The following ETV6 variants were observed in gnomAD, a reference collection of about 807,000 sequenced individuals.
ETV6 encodes transcription factor ETV6.
Under a neutral mutation model 51.1 loss-of-function variants are expected in ETV6, and 16 were observed. That is an observed-to-expected ratio of 0.31 (90% CI 0.21 to 0.48). The LOEUF (loss-of-function observed/expected upper bound fraction) is 0.48. Ranked by LOEUF, ETV6 falls within the 20% of genes least tolerant of loss-of-function variation. The pLI, the probability that ETV6 is intolerant of heterozygous loss-of-function variation, is 0.99. For synonymous variants in ETV6, 240 were observed against 224.1 expected (o/e 1.07, Z -0.64); for missense variants, 458 against 594.8 (o/e 0.77, Z 2.39).
chr12:11,771,712 A>G (rs1945243420), intron 2 of ETV6, among the ~76,000 whole-genome samples: 1 of 152,248 alleles, frequency 6.6e-6, no homozygotes, highest in Non-Finnish European at 1.5e-5. Flanking sequence ...TTCAGTTCAT[A>G]TAACCAACAC....
chr12:11,726,049 G>A (rs1865482745), intron 1 of ETV6, among the ~76,000 whole-genome samples: 1 of 152,226 alleles, frequency 6.6e-6, no homozygotes, highest in Non-Finnish European at 1.5e-5. Context: ...GGGTAGGCAA[G>A]AATTGTATAT....
intron 2 of ETV6, among the ~76,000 whole-genome samples, chr12:11,778,337 T>G (rs1945363485): frequency 1.3e-5 from 2 of 152,192 alleles, no homozygotes; most frequent in African/African-American, 4.8e-5. Context: ...CTCCTGTGTT[T>G]AATATAGCCC....
chr12:11,794,487 G>A (rs1296003468), intron 2 of ETV6, among the ~76,000 whole-genome samples: 2 of 152,208 alleles, frequency 1.3e-5, no homozygotes, highest in African/African-American at 4.8e-5. Flanking sequence ...AGACTCAGCT[G>A]TCTGAAGCCT....
intron 2 of ETV6, among the ~76,000 whole-genome samples, chr12:11,817,436 G>A (rs1033384782): frequency 1.3e-5 from 2 of 152,138 alleles, no homozygotes; most frequent in African/African-American, 4.8e-5. Context: ...TCTCTAAGAT[G>A]CCAAACAGGG....
intron 7 of ETV6, among the ~76,000 whole-genome samples, chr12:11,887,749 GA>G (rs58685356): frequency 0.26 from 25,320 of 97,358 alleles, 2,664 homozygotes; most frequent in African/African-American, 0.37. Flanking sequence ...TCCATCTCAA[GA>G]AAAAAAAAAA....
intron 1 of ETV6, among the ~76,000 whole-genome samples, chr12:11,694,229 A>G (rs1864828482): frequency 6.6e-6 from 1 of 152,102 alleles, no homozygotes; most frequent in Non-Finnish European, 1.5e-5. Context: ...CTTGGTTTGA[A>G]CTCTACCCCT....
chr12:11,778,682 A>C (rs774250770), intron 2 of ETV6, among the ~76,000 whole-genome samples: 1 of 152,112 alleles, frequency 6.6e-6, no homozygotes, highest in Non-Finnish European at 1.5e-5. Context: ...TAGAGCTCTT[A>C]GTTTTTCTTT....
chr12:11,794,960 T>C (rs1945655267), intron 2 of ETV6, among the ~76,000 whole-genome samples: 1 of 152,222 alleles, frequency 6.6e-6, no homozygotes. Flanking sequence ...TTTGTGACCG[T>C]TGAACTGACC....
chr12:11,699,966 G>T (rs116909679), intron 1 of ETV6, among the ~76,000 whole-genome samples: 1 of 152,110 alleles, frequency 6.6e-6, no homozygotes, highest in Non-Finnish European at 1.5e-5. Context: ...CTCCTACTGC[G>T]TTTGTATTTC....
intron 2 of ETV6, among the ~76,000 whole-genome samples, chr12:11,778,735 G>C (rs1945370793): frequency 6.6e-6 from 1 of 152,026 alleles, no homozygotes; most frequent in Non-Finnish European, 1.5e-5. Context: ...CATTAAATTA[G>C]TCCAGTTATG....
chr12:11,855,846 A>G (rs779650811), intron 4 of ETV6, among the ~76,000 whole-genome samples: 7 of 152,106 alleles, frequency 4.6e-5, no homozygotes, highest in Non-Finnish European at 8.8e-5. Context: ...TCTTCCTGCC[A>G]TGTGCATTTC....
chr12:11,722,575 T>A (rs939990203), intron 1 of ETV6, among the ~76,000 whole-genome samples: 4 of 152,196 alleles, frequency 2.6e-5, no homozygotes, highest in African/African-American at 9.7e-5. Flanking sequence ...TCTAAGAATA[T>A]TCAAGGCCTG....
chr12:11,781,105 T>TGAGGCTG (rs1183391300), intron 2 of ETV6, among the ~76,000 whole-genome samples: 22 of 152,366 alleles, frequency 1.4e-4, no homozygotes, highest in African/African-American at 5.0e-4. Context: ...AAGAAAAACA[T>TGAGGCTG]GAGGCTGGTT....
intron 2 of ETV6, among the ~76,000 whole-genome samples, chr12:11,777,824 A>G (rs1945353209): frequency 6.7e-6 from 1 of 149,142 alleles, no homozygotes; most frequent in African/African-American, 2.5e-5. Context: ...AGTTTAAGCC[A>G]TTTATTCATG....
rs1213180522 is a variant in ETV6 at position 11,888,378 on chromosome 12, T to TTTTTCTTTTC, written c.1253+2367_1253+2376dup. Among the ~76,000 whole-genome samples the TTTTTCTTTTC allele has an allele frequency of 7.9e-4, 107 of 136,024 alleles. 5 individuals carry two copies. The highest frequency in any genetic ancestry group is 3.8e-3 in the Middle Eastern group (1 of 262). The allele number at this position is 136,024 out of a possible 152,430, so 89.2% of individuals were successfully genotyped here. A position where few individuals can be genotyped will look rare whatever the true frequency, so the allele number is the denominator to read the frequency against. ...AGCCCTTAACTACACTACAATTTGC[T>TTTTTCTTTTC]TTTTCTTTTCTTTTCTTTTCTTTTT... On this transcript the variant is annotated intron_variant, in intron 7 of 7. Coordinates refer to ENST00000396373, the MANE Select transcript of ETV6 (RefSeq NM_001987.5).
intron 2 of ETV6, among the ~76,000 whole-genome samples, chr12:11,803,927 C>A (rs2855743): frequency 1.3e-5 from 2 of 151,918 alleles, no homozygotes; most frequent in Non-Finnish European, 2.9e-5. Context: ...GTATCATCAT[C>A]ATCATCATCA....
chr12:11,780,790 G>A (rs571830974), intron 2 of ETV6, among the ~76,000 whole-genome samples: 47 of 152,350 alleles, frequency 3.1e-4, no homozygotes, highest in Admixed American at 1.3e-3. Context: ...CCCCACATGC[G>A]GTATGTGGAT....
chr12:11,819,473 A>C (rs1946044277), intron 2 of ETV6, among the ~76,000 whole-genome samples: 1 of 152,204 alleles, frequency 6.6e-6, no homozygotes, highest in Non-Finnish European at 1.5e-5. Flanking sequence ...AATATTTTTT[A>C]TCTCTAGCCT....
At chr12:11,853,280 C>G (rs1180187648) in intron 3 of ETV6, 147 bp from the exon 4 acceptor site, 1 of 782,504 alleles carries the variant, frequency 1.3e-6, no homozygotes, top group Non-Finnish European at 2.1e-6. Flanking sequence ...GCATTCTGTG[C>G]CCCATGAGCT....
Sources: allele counts gnomAD v4.1 joint callset (sites outside exome capture counted in the v4.1 genomes callset), GRCh38; gene constraint gnomAD v4.1.1; transcripts MANE v1.5; gene names NCBI Gene and HGNC (gene_info 2026-07-23, HGNC 2026-07-21).